Variants in ANKRD12 observed in about 807,000 individuals in gnomAD.
The protein encoded by ANKRD12 is ankyrin repeat domain 12.
ANKRD12 carries 85 observed loss-of-function variants against 183.4 expected under a neutral mutation model. That is an observed-to-expected ratio of 0.46 (90% CI 0.39 to 0.56). The LOEUF is 0.56. Ranked by LOEUF, ANKRD12 falls within the 20% of genes least tolerant of loss-of-function variation. ANKRD12 has a pLI of 0.00. For missense variants in ANKRD12, 2,405 were observed against 2,357.1 expected, an observed-to-expected ratio of 1.02 and a Z score of -0.42; for synonymous variants, 914 against 800.2, an observed-to-expected ratio of 1.14 and a Z score of -2.40.
rs538286281 is a variant in ANKRD12, at chr18:9,191,226, A to C, written c.88-4325A>C. ...ATAAACCTAACAGAGTTATGGGCCTAGGATGTGCTAATGAGCCTCTCGTGA... is the reference window on the plus strand; with the variant it reads ...ATAAACCTAACAGAGTTATGGGCCTCGGATGTGCTAATGAGCCTCTCGTGA... On this transcript the variant is annotated intron_variant, in intron 2 of 12. Coordinates refer to ENST00000262126, the MANE Select transcript of ANKRD12 (RefSeq NM_015208.5). 3.3e-5 allele frequency among the ~76,000 whole-genome samples: 5 copies of C among 152,366 alleles called. 1 individual carries two copies. In the South Asian group the frequency reaches 6.2e-4, roughly 19 times the overall value.
chr18:9,175,597 G>T (rs552342883), intron 1 of ANKRD12, among the ~76,000 whole-genome samples: 37 of 123,776 alleles, frequency 3.0e-4, no homozygotes, highest in Middle Eastern at 0.014. Flanking sequence ...GCACTATCTC[G>T]GCTCACTGCA....
intron 5 of ANKRD12, among the ~76,000 whole-genome samples, chr18:9,209,385 A>G (rs910499015): frequency 1.3e-5 from 2 of 152,182 alleles, no homozygotes; most frequent in African/African-American, 2.4e-5. Flanking sequence ...AAGAAAGTAA[A>G]TCACTTTTGT....
intron 8 of ANKRD12, among the ~76,000 whole-genome samples, chr18:9,236,781 C>T (rs1011514112): frequency 1.3e-5 from 2 of 152,152 alleles, no homozygotes; most frequent in Non-Finnish European, 2.9e-5. Flanking sequence ...TTGAAGTTCA[C>T]TGAGCTTCAG....
chr18:9,223,746 C>G (rs2036554208), intron 8 of ANKRD12, among the ~76,000 whole-genome samples: 1 of 151,944 alleles, frequency 6.6e-6, no homozygotes, highest in Non-Finnish European at 1.5e-5. Flanking sequence ...TAACCAGAAA[C>G]AGAATACTGA....
intron 1 of ANKRD12, among the ~76,000 whole-genome samples, chr18:9,143,656 T>A (rs1005440751): frequency 6.6e-6 from 1 of 152,034 alleles, no homozygotes; most frequent in Non-Finnish European, 1.5e-5. Flanking sequence ...GAGATGGGGT[T>A]TCACTATGTT....
At chr18:9,147,542 C>T (rs2078533016) in intron 1 of ANKRD12, among the ~76,000 whole-genome samples, 1 of 151,998 alleles carries the variant, frequency 6.6e-6, no homozygotes, top group African/African-American at 2.4e-5. Flanking sequence ...TATTTAAATC[C>T]TTTTATTTAT....
At chr18:9,217,153 T>C (rs2036154259) in intron 7 of ANKRD12, among the ~76,000 whole-genome samples, 1 of 152,246 alleles carries the variant, frequency 6.6e-6, no homozygotes, top group Non-Finnish European at 1.5e-5. Flanking sequence ...TTTCAAGGCA[T>C]TCTTTATAAG....
intron 1 of ANKRD12, among the ~76,000 whole-genome samples, chr18:9,150,694 C>G (rs2078656803): frequency 6.6e-6 from 1 of 151,918 alleles, no homozygotes; most frequent in Admixed American, 6.6e-5. Flanking sequence ...CGCCCTGTTG[C>G]CCAGGCTAGA....
intron 3 of ANKRD12, among the ~76,000 whole-genome samples, chr18:9,200,110 C>T (rs546185589): frequency 6.6e-6 from 1 of 152,230 alleles, no homozygotes; most frequent in Admixed American, 6.5e-5. Context: ...TGCGAGATAT[C>T]GTAGTGTGTC....
At chr18:9,205,025 T>C (rs2035399315) in intron 4 of ANKRD12, among the ~76,000 whole-genome samples, 2 of 152,236 alleles carry the variant, frequency 1.3e-5, no homozygotes, top group South Asian at 4.1e-4. Flanking sequence ...TTAGCCGTTA[T>C]TGACTTTGTT....
chr18:9,215,592 C>A (rs2036053355), intron 6 of ANKRD12, among the ~76,000 whole-genome samples: 1 of 152,084 alleles, frequency 6.6e-6, no homozygotes, highest in Non-Finnish European at 1.5e-5. Context: ...ACACACGGTA[C>A]TCCAGGGAAA....
chr18:9,264,290 C>T (rs548861835), intron 10 of ANKRD12, among the ~76,000 whole-genome samples: 201 of 152,242 alleles, frequency 1.3e-3, no homozygotes, highest in African/African-American at 4.6e-3. Context: ...TTAGTATGTG[C>T]CTTCCAATGG....
intron 8 of ANKRD12, among the ~76,000 whole-genome samples, chr18:9,240,100 G>A (rs2037574523): frequency 6.6e-6 from 1 of 152,084 alleles, no homozygotes; most frequent in Admixed American, 6.5e-5. Flanking sequence ...TCCATGTTTG[G>A]TACCAGCTCT....
At chr18:9,212,685 G>GC (rs149658598) in intron 6 of ANKRD12, among the ~76,000 whole-genome samples, 9,777 of 150,656 alleles carry the variant, frequency 0.065, 341 homozygotes, top group Non-Finnish European at 0.08. Flanking sequence ...AATGGAAATT[G>GC]CCCCCCCCAA....
intron 1 of ANKRD12, among the ~76,000 whole-genome samples, chr18:9,146,422 C>G (rs1243528138): frequency 6.6e-6 from 1 of 152,152 alleles, no homozygotes; most frequent in Non-Finnish European, 1.5e-5. Flanking sequence ...GTGGCACACA[C>G]CTGCAATCCC....
intron 10 of ANKRD12, among the ~76,000 whole-genome samples, chr18:9,272,747 TAATA>T (rs1317092984): frequency 6.6e-6 from 1 of 152,338 alleles, no homozygotes; most frequent in East Asian, 1.9e-4. Context: ...AAATTGTACT[TAATA>T]AATCAAAAGT....
chr18:9,156,789 G>C (rs1334833091), intron 1 of ANKRD12, among the ~76,000 whole-genome samples: 1 of 152,150 alleles, frequency 6.6e-6, no homozygotes, highest in Non-Finnish European at 1.5e-5. Context: ...GAAAGTATTG[G>C]CTGTGTAGAG....
At chr18:9,184,987 G>A (rs2033948879) in intron 2 of ANKRD12, among the ~76,000 whole-genome samples, 1 of 152,178 alleles carries the variant, frequency 6.6e-6, no homozygotes, top group South Asian at 2.1e-4. Flanking sequence ...AGGAGAGAAT[G>A]CTACTTAACA....
At chr18:9,175,206 A>AAATAGACT (rs775581761) in intron 1 of ANKRD12, among the ~76,000 whole-genome samples, 121 of 152,278 alleles carry the variant, frequency 7.9e-4, no homozygotes, top group Non-Finnish European at 1.4e-3. Context: ...AGTGATCTCA[A>AAATAGACT]AATAGACTTT....
Sources: allele counts gnomAD v4.1 joint callset (sites outside exome capture counted in the v4.1 genomes callset), GRCh38; gene constraint gnomAD v4.1.1; transcripts MANE v1.5; gene names NCBI Gene and HGNC (gene_info 2026-07-23, HGNC 2026-07-21).